ROBO2: variants seen among roughly 807,000 people sequenced by gnomAD.
ROBO2 encodes the protein roundabout guidance receptor 2.
ROBO2 carries 53 observed loss-of-function variants against 160.8 expected under a neutral mutation model. The ratio of observed to expected loss-of-function variants is 0.33; its 90% CI spans 0.26 to 0.41. The LOEUF is 0.41. ROBO2 is among the 10% of genes least tolerant of loss of function. The pLI is 1.00. For missense variants in ROBO2, 1,577 were observed against 1,722.4 expected (o/e 0.92, Z 1.49); for synonymous variants, 664 against 611.7 (o/e 1.09, Z -1.26).
At chr3:76,841,438 A>G (rs753912799) in intron 2 of ROBO2, among the ~76,000 whole-genome samples, 2 of 152,206 alleles carry the variant, frequency 1.3e-5, no homozygotes, top group Non-Finnish European at 2.9e-5. Context: ...GTTGTAGAAG[A>G]AACGTGTGGT....
intron 2 of ROBO2, among the ~76,000 whole-genome samples, chr3:76,460,240 A>G (rs911981625): frequency 6.6e-6 from 1 of 152,166 alleles, no homozygotes; most frequent in Non-Finnish European, 1.5e-5. Context: ...CAGAAAAAAA[A>G]ATAGGAAACC....
At chr3:76,704,870 G>C (rs2093127233) in intron 2 of ROBO2, among the ~76,000 whole-genome samples, 1 of 151,810 alleles carries the variant, frequency 6.6e-6, no homozygotes, top group South Asian at 2.1e-4. Flanking sequence ...GCCTTATAAT[G>C]AAGGTGTTTT....
intron 2 of ROBO2, among the ~76,000 whole-genome samples, chr3:76,591,414 G>C (rs1035345529): frequency 6.6e-6 from 1 of 152,068 alleles, no homozygotes; most frequent in African/African-American, 2.4e-5. Context: ...TTGTTTAAGT[G>C]TCAACTGTAA....
chr3:76,016,452 C>T (rs2066407760), intron 2 of ROBO2, among the ~76,000 whole-genome samples: 2 of 151,590 alleles, frequency 1.3e-5, no homozygotes, highest in African/African-American at 4.8e-5. Context: ...GATGCTAATT[C>T]ACAAGAAAAA....
chr3:76,363,721 A>G (rs2075655840), intron 2 of ROBO2, among the ~76,000 whole-genome samples: 1 of 152,150 alleles, frequency 6.6e-6, no homozygotes, highest in South Asian at 2.1e-4. Context: ...GCCAATATTA[A>G]TCAAAGGCTC....
At chr3:76,682,356 G>C (rs2092585324) in intron 2 of ROBO2, among the ~76,000 whole-genome samples, 1 of 152,106 alleles carries the variant, frequency 6.6e-6, no homozygotes, top group South Asian at 2.1e-4. Context: ...TTCGTGGAAA[G>C]TCTATACTTT....
chr3:76,077,508 A>C (rs539117983), intron 2 of ROBO2, among the ~76,000 whole-genome samples: 3 of 152,174 alleles, frequency 2.0e-5, no homozygotes, highest in Non-Finnish European at 2.9e-5. Context: ...GGTTGCAGTG[A>C]ACCAAGATCG....
chr3:76,873,573 A>C (rs145549350), intron 2 of ROBO2, among the ~76,000 whole-genome samples: 3,649 of 151,892 alleles, frequency 0.024, 89 homozygotes, highest in African/African-American at 0.064. Flanking sequence ...TAGTAGTAGT[A>C]GTCGTCGTCG....
chr3:77,559,974 A>C (rs2093267503), intron 9 of ROBO2, among the ~76,000 whole-genome samples: 1 of 152,298 alleles, frequency 6.6e-6, no homozygotes, highest in African/African-American at 2.4e-5. Context: ...AAGTTATTAA[A>C]AAATTAATGC....
chr3:77,128,366 A>C (rs2150331709), intron 2 of ROBO2, among the ~76,000 whole-genome samples: 1 of 152,316 alleles, frequency 6.6e-6, no homozygotes, highest in African/African-American at 2.4e-5. Flanking sequence ...GATCAAAAAA[A>C]CATGGTATAT....
At chr3:76,168,832 A>G (rs2072929432) in intron 2 of ROBO2, among the ~76,000 whole-genome samples, 1 of 151,906 alleles carries the variant, frequency 6.6e-6, no homozygotes, top group African/African-American at 2.4e-5. Context: ...CAGAAGAATA[A>G]TAACCTGCCT....
chr3:77,291,103 T>G (rs1403177054), intron 2 of ROBO2, among the ~76,000 whole-genome samples: 1 of 148,612 alleles, frequency 6.7e-6, no homozygotes, highest in Non-Finnish European at 1.5e-5. Flanking sequence ...GGTAAACGGG[T>G]AAGCTGAGGC....
At chr3:76,051,426 G>C (rs1161268261) in intron 2 of ROBO2, among the ~76,000 whole-genome samples, 2 of 152,060 alleles carry the variant, frequency 1.3e-5, no homozygotes, top group Non-Finnish European at 2.9e-5. Flanking sequence ...ATTACACATG[G>C]ACTATATTAT....
intron 2 of ROBO2, among the ~76,000 whole-genome samples, chr3:76,256,367 C>T (rs1422689901): frequency 6.7e-6 from 1 of 149,452 alleles, no homozygotes; most frequent in Non-Finnish European, 1.5e-5. Flanking sequence ...TACACACACA[C>T]ACACACACAC....
rs1577930373 is a variant in ROBO2 at position 76,530,454 on chromosome 3, A to C, written c.110-567560A>C. The stretch of plus-strand genomic sequence containing the variant: ...TGCTCCCGCATCTCCAGCTCAGAAC[A>C]GAAAACTATGTTCTCCCTCCTGTGT... On this transcript the variant is annotated intron_variant, in intron 2 of 26. Transcript: ENST00000487694. Among the ~76,000 whole-genome samples, 3 of 152,292 alleles carry C rather than the reference A, an allele frequency of 2.0e-5. No individual in the cohort carries two copies. The East Asian group carries it at 5.8e-4, about 29-fold the overall frequency.
chr3:77,573,023 T>G (rs2153669606), intron 13 of ROBO2, among the ~76,000 whole-genome samples: 1 of 152,166 alleles, frequency 6.6e-6, no homozygotes, highest in African/African-American at 2.4e-5. Flanking sequence ...TTATTTCCTC[T>G]TTCTCTACAA....
chr3:76,917,663 C>T (rs576324558), intron 2 of ROBO2, among the ~76,000 whole-genome samples: 3 of 152,134 alleles, frequency 2.0e-5, no homozygotes. Flanking sequence ...TTTGTAGGGC[C>T]TTCTCATTGA....
intron 13 of ROBO2, among the ~76,000 whole-genome samples, chr3:77,570,522 T>A (rs2153667613): frequency 6.6e-6 from 1 of 152,152 alleles, no homozygotes; most frequent in African/African-American, 2.4e-5. Context: ...TCAAATCAGT[T>A]GTTTTCATAC....
At chr3:75,935,816 A>G (rs1947751715) in intron 1 of ROBO2, among the ~76,000 whole-genome samples, 1 of 152,116 alleles carries the variant, frequency 6.6e-6, no homozygotes, top group Non-Finnish European at 1.5e-5. Flanking sequence ...ATTCCTGCTT[A>G]GTGTTTACTT....
Sources: gnomAD v4.1 joint callset for allele counts (sites outside exome capture counted in the v4.1 genomes callset) on GRCh38, gnomAD v4.1.1 for gene constraint, MANE v1.5 for transcripts, NCBI Gene and HGNC (gene_info 2026-07-23, HGNC 2026-07-21) for gene names.